Variants in PDE10A observed in about 807,000 individuals in gnomAD.
PDE10A encodes the protein cAMP and cAMP-inhibited cGMP 3',5'-cyclic phosphodiesterase 10A.
A neutral mutation model predicts 97.7 loss-of-function variants in PDE10A; 39 were observed. That is an observed-to-expected ratio of 0.40 (90% CI 0.31 to 0.52). PDE10A has a LOEUF of 0.52. Among genes scored for constraint, PDE10A ranks in the 20% least tolerant of loss-of-function variants. PDE10A has a pLI of 0.56. For synonymous variants in PDE10A, 371 were observed against 376.8 expected, an observed-to-expected ratio of 0.98 and a Z score of 0.18; for missense variants, 731 against 1,047.8, an observed-to-expected ratio of 0.70 and a Z score of 4.17.
chr6:165,436,580 T>C (rs1348962478), intron 5 of PDE10A, among the ~76,000 whole-genome samples: 2 of 152,178 alleles, frequency 1.3e-5, no homozygotes, highest in Non-Finnish European at 2.9e-5. Flanking sequence ...TATATCCACA[T>C]AGGGCTGTGC....
intron 1 of PDE10A, among the ~76,000 whole-genome samples, chr6:165,794,853 C>T (rs1332136026): frequency 6.6e-6 from 1 of 152,168 alleles, no homozygotes; most frequent in Non-Finnish European, 1.5e-5. Context: ...GTAAAACTTT[C>T]TTGAATAGGA....
At chr6:165,421,214 G>A (rs1247852400) in intron 10 of PDE10A, among the ~76,000 whole-genome samples, 1 of 152,144 alleles carries the variant, frequency 6.6e-6, no homozygotes, top group Non-Finnish European at 1.5e-5. Context: ...GACTGAGATG[G>A]GCAGATCTCT....
intron 1 of PDE10A, among the ~76,000 whole-genome samples, chr6:165,809,372 A>G (rs1346110857): frequency 1.3e-5 from 2 of 152,052 alleles, no homozygotes; most frequent in Non-Finnish European, 2.9e-5. Flanking sequence ...CAAATCCCCA[A>G]GATTTGGAAG....
chr6:165,541,129 G>A (rs1342216370), intron 2 of PDE10A, among the ~76,000 whole-genome samples: 1 of 152,100 alleles, frequency 6.6e-6, no homozygotes, highest in Non-Finnish European at 1.5e-5. Flanking sequence ...GCTGCACAGT[G>A]GAATGTAAGG....
At chr6:165,708,507 C>A (rs1260631569) in intron 1 of PDE10A, among the ~76,000 whole-genome samples, 1 of 151,920 alleles carries the variant, frequency 6.6e-6, no homozygotes, top group Non-Finnish European at 1.5e-5. Context: ...TATCAGGCTC[C>A]GCACTCTCAG....
intron 21 of PDE10A, among the ~76,000 whole-genome samples, chr6:165,333,968 TC>T (rs1781489852): frequency 6.6e-6 from 1 of 152,212 alleles, no homozygotes; most frequent in Non-Finnish European, 1.5e-5. Context: ...TAAGACACAT[TC>T]AGATAGACAA....
At chr6:165,675,819 A>G (rs532500335) in intron 1 of PDE10A, among the ~76,000 whole-genome samples, 1 of 152,376 alleles carries the variant, frequency 6.6e-6, no homozygotes, top group East Asian at 1.9e-4. Flanking sequence ...CATATATTCT[A>G]GAATGGAAAA....
intron 19 of PDE10A, 125 bp downstream of exon 19, chr6:165,343,266 G>GT (rs1224216667): frequency 5.7e-6 from 4 of 697,496 alleles, no homozygotes; most frequent in African/African-American, 1.8e-5. Context: ...AAATCCTTCA[G>GT]TATGTGACTC....
Position 165,647,531 on chromosome 6 carries a change from T to C in PDE10A, c.865+14416A>G, listed in dbSNP as rs10455958. On this transcript the variant is annotated intron_variant, in intron 1 of 21. Transcript: ENST00000539869. Reference sequence around the variant, plus strand: ...AAGAAGCATTCTAATGACAATCCCCTTTTTTTTTTTAGTTCTTTTTCCAAA... The same window carrying C: ...AAGAAGCATTCTAATGACAATCCCCCTTTTTTTTTTAGTTCTTTTTCCAAA... 8.9e-3 allele frequency among the ~76,000 whole-genome samples: 1,297 copies of C among 145,188 alleles called. 8 individuals carry two copies. Among genetic ancestry groups the C allele is most frequent in the Non-Finnish European group, 0.014 (911 of 65,564 alleles).
At chr6:165,977,698 A>C (rs1296192164) in intron 1 of PDE10A, among the ~76,000 whole-genome samples, 1 of 152,328 alleles carries the variant, frequency 6.6e-6, no homozygotes, top group South Asian at 2.1e-4. Context: ...ATGACTAATA[A>C]AGAACATTAA....
intron 1 of PDE10A, among the ~76,000 whole-genome samples, chr6:165,867,687 A>G (rs1226170253): frequency 6.6e-6 from 1 of 152,108 alleles, no homozygotes; most frequent in East Asian, 1.9e-4. Context: ...CCTAACAGAC[A>G]TTTAAAGAAC....
At chr6:165,918,899 A>G (rs1782678472) in intron 1 of PDE10A, among the ~76,000 whole-genome samples, 1 of 152,172 alleles carries the variant, frequency 6.6e-6, no homozygotes, top group South Asian at 2.1e-4. Flanking sequence ...GATGAGCTAC[A>G]GAGGACTGTT....
At position 165,396,174 on chromosome 6, in the gene PDE10A, C is replaced by A. The variant is rs542271817; in HGVS notation, c.2219+143G>T. On this transcript the variant is annotated intron_variant, in intron 14 of 21. Transcript: ENST00000539869. ...CCTATCATAATATCTGGAATCACTT[C>A]AGAAGCAGACAATGGCAACACATGA... 2.1e-5 allele frequency: 15 copies of A among 715,822 alleles called. No homozygotes were observed. The African/African-American group carries it at 2.5e-4, about 12-fold the overall frequency. 44.3% of individuals were successfully genotyped at this position (715,822 alleles called of 1,614,324 possible). A position where few individuals can be genotyped will look rare whatever the true frequency, so the allele number is the denominator to read the frequency against.
rs780951512 is a variant in PDE10A at position 165,711,635 on chromosome 6, G to A, written c.-614-168067C>T. On this transcript the variant is annotated intron_variant, in intron 1 of 19. Transcript: ENST00000366882. This position sits in a 1 kb window ranked among gnomAD's most constrained non-coding sequence, Gnocchi z 4.5. ...GTCTTGGTAGGGTCAATGAGATGAA[G>A]GTAAGAGAAGAAACGAAGATGAAAA... Among the ~76,000 whole-genome samples, 6 of 152,104 alleles carry A rather than the reference G, an allele frequency of 3.9e-5. No homozygotes were observed. The highest frequency in any genetic ancestry group is 5.9e-5 in the Non-Finnish European group (4 of 68,012).
intron 1 of PDE10A, among the ~76,000 whole-genome samples, chr6:165,556,309 C>T (rs769334040): frequency 6.6e-6 from 1 of 152,098 alleles, no homozygotes; most frequent in Admixed American, 6.5e-5. Context: ...GCTGAGCTTA[C>T]ACAAAACAGT....
At chr6:165,699,732 A>G (rs1338347628) in intron 1 of PDE10A, among the ~76,000 whole-genome samples, 1 of 152,244 alleles carries the variant, frequency 6.6e-6, no homozygotes, top group African/African-American at 2.4e-5. Flanking sequence ...ATTCTTAAAC[A>G]ACCAATGGGT....
At chr6:165,448,709 A>AACACACACACACACAC (rs10645551) in intron 5 of PDE10A, among the ~76,000 whole-genome samples, 1 of 147,398 alleles carries the variant, frequency 6.8e-6, no homozygotes, top group Admixed American at 6.8e-5. Flanking sequence ...AGCCAAAGGA[A>AACACACACACACACAC]ACACACACAC....
In PDE10A at chr6:165,866,323, T is replaced by C. The variant is rs547609124; in HGVS notation, c.-615+121206A>G. On this transcript the variant is annotated intron_variant, in intron 1 of 19. Coordinates refer to the PDE10A transcript ENST00000366882. The stretch of plus-strand genomic sequence containing the variant: ...ATCTGTTGAAGCTCTAACTCAGTGT[T>C]TTTTGACTCACCTTGCCCTTAGTGC... Among the ~76,000 whole-genome samples, 18 of 151,856 alleles carry C rather than the reference T, an allele frequency of 1.2e-4. No individual in the cohort carries two copies. The South Asian group carries it at 3.8e-3, about 32-fold the overall frequency.
At chr6:165,355,588 G>GT (rs1782971927) in intron 18 of PDE10A, among the ~76,000 whole-genome samples, 1 of 152,098 alleles carries the variant, frequency 6.6e-6, no homozygotes, top group South Asian at 2.1e-4. Context: ...CCAAAGTTGT[G>GT]TATCTAGCCC....
Sources: allele counts gnomAD v4.1 joint callset (sites outside exome capture counted in the v4.1 genomes callset), GRCh38; gene constraint gnomAD v4.1.1; non-coding constraint Gnocchi (gnomAD v3.1); transcripts MANE v1.5; gene names NCBI Gene and HGNC (gene_info 2026-07-23, HGNC 2026-07-21).